The following TOP3A variants were observed in gnomAD, a reference collection of about 807,000 sequenced individuals.
TOP3A encodes the protein DNA topoisomerase 3-alpha.
A neutral mutation model predicts 111.3 loss-of-function variants in TOP3A; 64 were observed. That is an observed-to-expected ratio of 0.57 (90% CI 0.47 to 0.71). TOP3A has a LOEUF of 0.71. Among genes scored for constraint, TOP3A ranks in the 30% least tolerant of loss-of-function variants. The probability of loss-of-function intolerance (pLI) is 0.00; values close to 1 mark genes in which losing one functional copy is unlikely to be tolerated. For missense variants in TOP3A, 1,104 were observed against 1,285.0 expected, an observed-to-expected ratio of 0.86 and a Z score of 2.15; for synonymous variants, 484 against 485.1, an observed-to-expected ratio of 1.00 and a Z score of 0.03.
intron 5 of TOP3A, among the ~76,000 whole-genome samples, chr17:18,304,720 C>A (rs1392269021): frequency 6.6e-6 from 1 of 151,764 alleles, no homozygotes; most frequent in Non-Finnish European, 1.5e-5. Context: ...TTCCATTAAC[C>A]AAATACTAAA....
intron 9 of TOP3A, among the ~76,000 whole-genome samples, chr17:18,296,714 A>G (rs1980830627): frequency 6.6e-6 from 1 of 152,222 alleles, no homozygotes; most frequent in South Asian, 2.1e-4. Context: ...CTTAGCCTCC[A>G]TGCTTGTTAG....
intron 5 of TOP3A, 142 bp from the exon 6 acceptor site, chr17:18,302,865 A>C: frequency 1.1e-6 from 1 of 907,554 alleles, no homozygotes. Flanking sequence ...CTATTAGGTT[A>C]AATCAATGGT....
At chr17:18,298,445 C>G (rs1981002712) in intron 9 of TOP3A, among the ~76,000 whole-genome samples, 1 of 149,462 alleles carries the variant, frequency 6.7e-6, no homozygotes, top group African/African-American at 2.5e-5. Flanking sequence ...GGTCAGCCCC[C>G]CGCCCGGCCA....
At chr17:18,279,263 ATTTTT>A (rs901764917) in intron 17 of TOP3A, among the ~76,000 whole-genome samples, 1 of 149,538 alleles carries the variant, frequency 6.7e-6, no homozygotes, top group Admixed American at 6.7e-5. Context: ...AATTATTAAA[ATTTTT>A]TTTTTTGAGA....
chr17:18,305,541 T>TA (rs940063404), intron 4 of TOP3A, among the ~76,000 whole-genome samples: 3 of 151,608 alleles, frequency 2.0e-5, no homozygotes, highest in African/African-American at 7.3e-5. Context: ...ATGACCTAGT[T>TA]AAAAAAAACG....
chr17:18,275,340 C>A (rs1186340367), intron 18 of TOP3A, among the ~76,000 whole-genome samples: 1 of 135,744 alleles, frequency 7.4e-6, no homozygotes, highest in Non-Finnish European at 1.5e-5. Flanking sequence ...TAAGGCTGAA[C>A]CAACTTTTTT....
chr17:18,289,323 TTTGTTG>T lies in TOP3A; in HGVS notation c.1597+1228_1597+1233del, dbSNP rs376385801. Among the ~76,000 whole-genome samples the T allele has an allele frequency of 6.2e-3, 911 of 147,834 alleles. 12 individuals carry two copies. Among genetic ancestry groups the T allele is most frequent in the African/African-American group, 0.021 (843 of 40,408 alleles). On this transcript the variant is annotated intron_variant, in intron 13 of 18. Coordinates refer to ENST00000321105, the MANE Select transcript of TOP3A (RefSeq NM_004618.5). ...AGTCACCGTGCCCAGCCAGATCTGT[TTTGTTG>T]TTGTTGTTGTTGTTTGTTTGTTTGT... is the stretch of plus-strand genomic sequence containing the variant.
chr17:18,302,790 C>G, intron 5 of TOP3A, 67 bp from the exon 6 acceptor site: 1 of 1,552,622 alleles, frequency 6.4e-7, no homozygotes, highest in Non-Finnish European at 8.7e-7. Context: ...AAAGGACTCA[C>G]TTTTCTTAAA....
chr17:18,300,210 A>G (rs1981141134), intron 8 of TOP3A, among the ~76,000 whole-genome samples: 1 of 152,188 alleles, frequency 6.6e-6, no homozygotes. Flanking sequence ...CCTGGCCAAC[A>G]TGGTGAAAAT....
chr17:18,297,208 CT>C (rs1980866197), intron 9 of TOP3A, among the ~76,000 whole-genome samples: 1 of 152,092 alleles, frequency 6.6e-6, no homozygotes, highest in South Asian at 2.1e-4. Flanking sequence ...GGCAGATCAC[CT>C]GAGGTCAGAA....
chr17:18,307,301 T>C, intron 3 of TOP3A: 1 of 202,292 alleles, frequency 4.9e-6, no homozygotes, highest in East Asian at 1.2e-4. Context: ...TAGGTCATCT[T>C]AGTATTATAA....
chr17:18,311,095 G>A (rs9941377), intron 1 of TOP3A, among the ~76,000 whole-genome samples: 4,539 of 151,442 alleles, frequency 0.03, 213 homozygotes, highest in African/African-American at 0.098. Context: ...CCACCTCCCG[G>A]GTTCATGCCA....
Position 18,271,477 on chromosome 17 carries a change from A to G in TOP3A, c.*3325T>C, listed in dbSNP as rs1452659481. 1.2e-5 allele frequency: 2 copies of G among 161,740 alleles called. No individual in the cohort carries two copies. Among genetic ancestry groups the G allele is most frequent in the Non-Finnish European group, 2.7e-5 (2 of 73,320 alleles). The allele number at this position is 161,740 out of a possible 1,614,324, so 10.0% of individuals were successfully genotyped here. A position where few individuals can be genotyped will look rare whatever the true frequency, so the allele number is the denominator to read the frequency against. ...CAGTCGTGCCTGACCGTAAGCCTTC[A>G]CTAGAGAGCCTCAATATGAACAAGG... On this transcript the variant is annotated 3_prime_UTR_variant, in exon 19 of 19. Coordinates refer to ENST00000321105, the MANE Select transcript of TOP3A (RefSeq NM_004618.5).
At chr17:18,283,846 A>G (rs1979920971) in intron 15 of TOP3A, among the ~76,000 whole-genome samples, 1 of 152,162 alleles carries the variant, frequency 6.6e-6, no homozygotes, top group Non-Finnish European at 1.5e-5. Flanking sequence ...CTTACCCGTT[A>G]ATTACAAAGG....
intron 11 of TOP3A, among the ~76,000 whole-genome samples, chr17:18,292,298 G>A (rs1448445075): frequency 6.6e-6 from 1 of 152,196 alleles, no homozygotes; most frequent in East Asian, 1.9e-4. Flanking sequence ...AACCAAAACT[G>A]AGCCAGCCTT....
intron 17 of TOP3A, among the ~76,000 whole-genome samples, chr17:18,279,638 C>T (rs1979629802): frequency 6.6e-6 from 1 of 151,864 alleles, no homozygotes; most frequent in African/African-American, 2.4e-5. Flanking sequence ...ATCCGCCTGT[C>T]TCGGCCTCCC....
Position 18,294,698 on chromosome 17 carries a change from C to T in TOP3A, c.1073+5G>A, listed in dbSNP as rs1441994635. 6.2e-7 allele frequency: 1 copy of T among 1,607,004 alleles called. No homozygotes were observed. Among genetic ancestry groups the T allele is most frequent in the Admixed American group, 1.7e-5 (1 of 59,946 alleles). On this transcript the variant is annotated splice_donor_5th_base_variant and intron_variant, in intron 10 of 18. Transcript: ENST00000321105. ...AAATTCTACTCCCAAACCCAAAATACTTACCCTTGAGTGTAGAGCTTCTCA... is the reference window on the plus strand; with the variant it reads ...AAATTCTACTCCCAAACCCAAAATATTTACCCTTGAGTGTAGAGCTTCTCA...
chr17:18,289,795 G>A (rs888296380), intron 13 of TOP3A, among the ~76,000 whole-genome samples: 5 of 152,202 alleles, frequency 3.3e-5, no homozygotes, highest in Non-Finnish European at 7.3e-5. Flanking sequence ...AGGACTTCAC[G>A]TTGAAGCACT....
chr17:18,293,452 ATT>A (rs796749830), intron 10 of TOP3A, among the ~76,000 whole-genome samples: 7 of 142,414 alleles, frequency 4.9e-5, no homozygotes, highest in Middle Eastern at 3.6e-3. Context: ...TGCCTGGCTA[ATT>A]TTTTTTTTTT....
Sources: allele counts gnomAD v4.1 joint callset (sites outside exome capture counted in the v4.1 genomes callset), GRCh38; gene constraint gnomAD v4.1.1; transcripts MANE v1.5; gene names NCBI Gene and HGNC (gene_info 2026-07-23, HGNC 2026-07-21).